STYXL1: variants seen among roughly 807,000 people sequenced by gnomAD.
STYXL1 encodes the protein serine/threonine/tyrosine interacting like 1, also known as serine/threonine/tyrosine-interacting-like protein 1.
STYXL1 carries 32 observed loss-of-function variants against 36.4 expected under a neutral mutation model. That is an observed-to-expected ratio of 0.88 (90% CI 0.66 to 1.18). The LOEUF (loss-of-function observed/expected upper bound fraction) is 1.18, where lower values mean the gene tolerates loss of function less well. Ranked by LOEUF, STYXL1 falls within the 50% of genes most tolerant of loss-of-function variation. The pLI, the probability that STYXL1 is intolerant of heterozygous loss-of-function variation, is 0.00. For missense variants in STYXL1, 354 were observed against 394.1 expected (o/e 0.90, Z 0.86); for synonymous variants, 133 against 144.1 (o/e 0.92, Z 0.55).
intron 1 of STYXL1, among the ~76,000 whole-genome samples, chr7:76,033,880 C>A (rs782751939): frequency 1.3e-5 from 2 of 152,196 alleles, no homozygotes; most frequent in Non-Finnish European, 2.9e-5. Flanking sequence ...CCTGGCTCTG[C>A]GATTCACTAT....
At chr7:76,010,250 A>AT (rs1792394334) in intron 5 of STYXL1, among the ~76,000 whole-genome samples, 1 of 96,696 alleles carries the variant, frequency 1.0e-5, no homozygotes, top group Non-Finnish European at 2.1e-5. Context: ...TACTAGACTG[A>AT]TTGTCTTTAC....
chr7:76,000,900 T>A lies in STYXL1; in HGVS notation c.800A>T (p.Gln267Leu), dbSNP rs1554566903. 2 of 1,614,046 alleles carry A rather than the reference T, an allele frequency of 1.2e-6. No homozygotes were observed. Among genetic ancestry groups the A allele is most frequent in the South Asian group, 1.1e-5 (1 of 91,076 alleles). The change falls in exon 8 of 9, where the codon CAG becomes CTG. Residue 267 changes from glutamine to leucine, a missense_variant. Coordinates refer to ENST00000359697, the MANE Select transcript of STYXL1 (RefSeq NM_001317785.2). ...CCGGGGAACGCATACCTGCAAGGTCTGCTCGTTACTATGCATGAGGTAGGC... is the reference window on the plus strand; with the variant it reads ...CCGGGGAACGCATACCTGCAAGGTCAGCTCGTTACTATGCATGAGGTAGGC... ...IIAYLMHSNE[Q>L]TLQRSWAYVK... is the part of the protein sequence containing the mutation.
intron 1 of STYXL1, among the ~76,000 whole-genome samples, chr7:76,041,076 C>T (rs570407348): frequency 6.6e-6 from 1 of 151,180 alleles, no homozygotes; most frequent in South Asian, 2.1e-4. Flanking sequence ...GTGGCTCACA[C>T]TTGTAATCCC....
At chr7:76,015,727 T>C (rs1030232538) in intron 4 of STYXL1, among the ~76,000 whole-genome samples, 2 of 152,202 alleles carry the variant, frequency 1.3e-5, no homozygotes, top group Middle Eastern at 3.2e-3. Flanking sequence ...GGTTGAAGGA[T>C]GCAAAGTACT....
chr7:75,999,491 T>TTCTGTA (rs1554565569), intron 8 of STYXL1, among the ~76,000 whole-genome samples: 1 of 111,244 alleles, frequency 9.0e-6, no homozygotes, highest in Non-Finnish European at 1.8e-5. Context: ...AATTTTTTTG[T>TTCTGTA]TGTGTGTGTG....
chr7:76,012,990 A>C (rs1792758562), intron 5 of STYXL1, among the ~76,000 whole-genome samples: 1 of 152,044 alleles, frequency 6.6e-6, no homozygotes, highest in South Asian at 2.1e-4. Flanking sequence ...GAATGGGTCC[A>C]CCTTTGCTCA....
At chr7:76,008,279 G>C (rs1792078169) in intron 5 of STYXL1, among the ~76,000 whole-genome samples, 1 of 145,618 alleles carries the variant, frequency 6.9e-6, no homozygotes, top group South Asian at 2.3e-4. Flanking sequence ...TGGATAACTT[G>C]ATGTTTCCAT....
intron 1 of STYXL1, among the ~76,000 whole-genome samples, chr7:76,032,437 G>A (rs543467538): frequency 7.9e-5 from 12 of 151,166 alleles, no homozygotes; most frequent in African/African-American, 2.4e-4. Context: ...TCAGCTGGGC[G>A]TGGTGGCTCA....
chr7:76,038,422 A>ATT (rs1554581241), intron 1 of STYXL1, among the ~76,000 whole-genome samples: 8 of 132,230 alleles, frequency 6.1e-5, no homozygotes, highest in Non-Finnish European at 4.9e-5. Flanking sequence ...ATTGAATGAC[A>ATT]TTTTTTTTTT....
chr7:76,013,245 G>C (rs1792803227), intron 5 of STYXL1, among the ~76,000 whole-genome samples: 1 of 150,204 alleles, frequency 6.7e-6, no homozygotes, highest in African/African-American at 2.4e-5. Flanking sequence ...AGAATGGCGT[G>C]AACCTGGGAG....
At chr7:76,014,177 G>T (rs539341964) in intron 4 of STYXL1, among the ~76,000 whole-genome samples, 26 of 151,746 alleles carry the variant, frequency 1.7e-4, no homozygotes, top group Non-Finnish European at 2.9e-4. Context: ...GTTTCACCAT[G>T]TTTGCCAGCC....
chr7:76,030,338 C>A, intron 2 of STYXL1, 83 bp downstream of exon 2: 1 of 1,061,278 alleles, frequency 9.4e-7, no homozygotes, highest in South Asian at 1.3e-5. Context: ...GCCCCCCACC[C>A]CGCCAAAAGT....
chr7:76,027,852 C>G (rs537281205), intron 3 of STYXL1, among the ~76,000 whole-genome samples: 1 of 152,008 alleles, frequency 6.6e-6, no homozygotes, highest in Non-Finnish European at 1.5e-5. Context: ...ATGTGTAATC[C>G]CAGCGCTTTG....
At chr7:76,006,146 G>A (rs567637755) in intron 5 of STYXL1, among the ~76,000 whole-genome samples, 8 of 151,898 alleles carry the variant, frequency 5.3e-5, no homozygotes, top group African/African-American at 1.2e-4. Flanking sequence ...ATCATAGCTC[G>A]CTGCAGTCTT....
chr7:76,008,987 G>A (rs1792186962), intron 5 of STYXL1, among the ~76,000 whole-genome samples: 2 of 151,714 alleles, frequency 1.3e-5, no homozygotes, highest in Admixed American at 1.3e-4. Context: ...GGGCAACAGA[G>A]ATGCTATCTC....
chr7:76,028,160 G>C (rs1554578245), intron 3 of STYXL1, among the ~76,000 whole-genome samples: 2 of 152,082 alleles, frequency 1.3e-5, no homozygotes, highest in African/African-American at 4.8e-5. Flanking sequence ...TCAGCCTCCT[G>C]AGTAGCTGGG....
chr7:76,005,882 AGAGGAGGAGGAGGAGGAGAGAG>A (rs1791667718), intron 5 of STYXL1, among the ~76,000 whole-genome samples: 1 of 76,658 alleles, frequency 1.3e-5, no homozygotes, highest in Non-Finnish European at 2.7e-5. Context: ...AGAGGAGGAG[AGAGGAGGAGGAGGAGGAGAGAG>A]GAGGAGGAGG....
chr7:76,039,470 C>G (rs571678706), intron 1 of STYXL1, among the ~76,000 whole-genome samples: 1 of 152,274 alleles, frequency 6.6e-6, no homozygotes, highest in South Asian at 2.1e-4. Flanking sequence ...CTGGGTAATA[C>G]AGTCCCAGGT....
At chr7:76,046,199 G>A (rs1047039232) in intron 1 of STYXL1, among the ~76,000 whole-genome samples, 7 of 152,064 alleles carry the variant, frequency 4.6e-5, no homozygotes, top group East Asian at 3.9e-4. Context: ...TCCAAGGCAA[G>A]GGATCTTTCC....
Sources: gnomAD v4.1 joint callset for allele counts (sites outside exome capture counted in the v4.1 genomes callset) on GRCh38, gnomAD v4.1.1 for gene constraint, MANE v1.5 for transcripts, NCBI Gene and HGNC (gene_info 2026-07-23, HGNC 2026-07-21) for gene names.